PLAAT2: variants seen among roughly 807,000 people sequenced by gnomAD.
PLAAT2 encodes HRAS like suppressor 2.
A neutral mutation model predicts 12.8 loss-of-function variants in PLAAT2; 12 were observed. The ratio of observed to expected loss-of-function variants is 0.94; its 90% confidence interval spans 0.60 to 1.52. The LOEUF (loss-of-function observed/expected upper bound fraction) is 1.52, where lower values mean the gene tolerates loss of function less well. Among genes scored for constraint, PLAAT2 ranks in the 40% most tolerant of loss-of-function variants. The probability of loss-of-function intolerance (pLI) is 0.00; values close to 1 mark genes in which losing one functional copy is unlikely to be tolerated. For missense variants in PLAAT2, 166 were observed against 208.1 expected, an observed-to-expected ratio of 0.80 and a Z score of 1.24; for synonymous variants, 79 against 86.8, an observed-to-expected ratio of 0.91 and a Z score of 0.50.
At chr11:63,558,080 C>T (rs1399888424) in intron 3 of PLAAT2, among the ~76,000 whole-genome samples, 1 of 152,068 alleles carries the variant, frequency 6.6e-6, no homozygotes, top group East Asian at 1.9e-4. Context: ...GCACGGTGAG[C>T]CTCAGTTTCC....
At chr11:63,553,500 AC>A (rs1230770236) in intron 3 of PLAAT2, among the ~76,000 whole-genome samples, 1 of 151,636 alleles carries the variant, frequency 6.6e-6, no homozygotes, top group East Asian at 1.9e-4. Context: ...AAAAAAAAAA[AC>A]AGCTGAGTCC....
Position 63,552,978 on chromosome 11 carries a change from G to T in PLAAT2, c.475C>A (p.Arg159=). The T allele has an allele frequency of 6.2e-7, 1 of 1,612,598 alleles. No individual in the cohort carries two copies. Residue 159 remains arginine, a synonymous_variant, in exon 4 of 4, where the codon CGG becomes AGG. Transcript: ENST00000255695. ...ATTTCTTGGATTTATTGCCTTTCCCGCTTGCTTCTGGCCAGCAGGATCCCC... is the reference window on the plus strand; with the variant it reads ...ATTTCTTGGATTTATTGCCTTTCCCTCTTGCTTCTGGCCAGCAGGATCCCC... ...LVGILLARSK[R]ERQ
chr11:63,553,758 G>A (rs1238502255), intron 3 of PLAAT2, among the ~76,000 whole-genome samples: 1 of 152,186 alleles, frequency 6.6e-6, no homozygotes, highest in Non-Finnish European at 1.5e-5. Context: ...GGGCCCTTGA[G>A]GCAGATATGA....
upstream of PLAAT2, among the ~76,000 whole-genome samples, chr11:63,563,730 A>AC (rs2017540249): frequency 6.6e-6 from 1 of 151,780 alleles, no homozygotes; most frequent in African/African-American, 2.4e-5. Flanking sequence ...AAAAAAAAAA[A>AC]AAAAAAACAG....
intron 3 of PLAAT2, 138 bp from the exon 4 acceptor site, chr11:63,553,203 G>T: frequency 1.7e-6 from 1 of 598,246 alleles, no homozygotes; most frequent in Non-Finnish European, 2.9e-6. Context: ...AATATTGGCT[G>T]GGAGAGGGGA....
upstream of PLAAT2, among the ~76,000 whole-genome samples, chr11:63,563,541 A>AC (rs1219013010): frequency 6.6e-6 from 1 of 151,038 alleles, no homozygotes; most frequent in Non-Finnish European, 1.5e-5. Context: ...ACACGGTGAA[A>AC]CCCCGTCTCT....
upstream of PLAAT2, chr11:63,563,406 C>T: frequency 6.4e-7 from 1 of 1,572,454 alleles, no homozygotes; most frequent in South Asian, 1.1e-5. Context: ...TTCCCTGTGA[C>T]CCAGCCCATA....
At chr11:63,553,186 G>A (rs2017433854) in intron 3 of PLAAT2, 121 bp from the exon 4 acceptor site, 2 of 629,552 alleles carry the variant, frequency 3.2e-6, no homozygotes, top group African/African-American at 1.8e-5. Context: ...GAATCACAGA[G>A]GGAACAAATA....
intron 1 of PLAAT2, 144 bp downstream of exon 1, chr11:63,563,172 T>A: frequency 1.1e-6 from 1 of 924,186 alleles, no homozygotes. Context: ...CCACAGTGTC[T>A]GAGAGAGCCA....
intron 3 of PLAAT2, among the ~76,000 whole-genome samples, chr11:63,556,811 G>C (rs1446645986): frequency 1.3e-5 from 2 of 152,188 alleles, no homozygotes; most frequent in Admixed American, 6.5e-5. Context: ...GAGGATTCAA[G>C]AATGCATTGC....
intron 3 of PLAAT2, 78 bp from the exon 4 acceptor site, chr11:63,553,143 G>C (rs188449511): frequency 4.7e-6 from 4 of 857,186 alleles, no homozygotes; most frequent in Non-Finnish European, 7.6e-6. Flanking sequence ...CTACAGCTCA[G>C]GAAAGACTCA....
intron 1 of PLAAT2, among the ~76,000 whole-genome samples, chr11:63,561,781 A>G (rs1407489422): frequency 1.3e-5 from 2 of 151,932 alleles, no homozygotes; most frequent in Admixed American, 6.6e-5. Context: ...GTTCCCCCCC[A>G]GAACCTCGAA....
chr11:63,562,911 T>TCC (rs1326089510), intron 1 of PLAAT2, among the ~76,000 whole-genome samples: 2 of 151,918 alleles, frequency 1.3e-5, no homozygotes, highest in Non-Finnish European at 2.9e-5. Flanking sequence ...CCCTGGACCC[T>TCC]CCCTCCCCAG....
At chr11:63,553,516 G>T (rs2017437481) in intron 3 of PLAAT2, among the ~76,000 whole-genome samples, 1 of 151,938 alleles carries the variant, frequency 6.6e-6, no homozygotes, top group African/African-American at 2.4e-5. Flanking sequence ...GAGTCCAGGT[G>T]GTGCACACCT....
intron 3 of PLAAT2, among the ~76,000 whole-genome samples, chr11:63,554,647 AAAAAGAACTCACGC>A (rs1321324768): frequency 3.3e-5 from 5 of 151,202 alleles, no homozygotes; most frequent in African/African-American, 9.8e-5. Flanking sequence ...AGAAAAAAAA[AAAAAGAACTCACGC>A]AAAGCCACAC....
intron 3 of PLAAT2, among the ~76,000 whole-genome samples, chr11:63,554,519 C>G (rs1469664724): frequency 6.6e-6 from 1 of 151,556 alleles, no homozygotes; most frequent in Non-Finnish European, 1.5e-5. Flanking sequence ...TCCCAGCTAC[C>G]TGGGAGGCTG....
upstream of PLAAT2, among the ~76,000 whole-genome samples, chr11:63,564,776 G>T (rs2017548670): frequency 6.6e-6 from 1 of 152,108 alleles, no homozygotes; most frequent in Non-Finnish European, 1.5e-5. Flanking sequence ...CTTTTTAGGG[G>T]CTGACCTCCA....
At chr11:63,563,534 C>T (rs1565241553), upstream of PLAAT2, among the ~76,000 whole-genome samples, 1 of 151,772 alleles carries the variant, frequency 6.6e-6, no homozygotes, top group Non-Finnish European at 1.5e-5. Context: ...CTGACTAACA[C>T]GGTGAAACCC....
intron 2 of PLAAT2, among the ~76,000 whole-genome samples, chr11:63,559,736 T>C (rs970790827): frequency 2.0e-5 from 3 of 152,094 alleles, no homozygotes; most frequent in Non-Finnish European, 4.4e-5. Flanking sequence ...TTATACTATG[T>C]GCTCAGTTGT....
Sources: gnomAD v4.1 joint callset for allele counts (sites outside exome capture counted in the v4.1 genomes callset) on GRCh38, gnomAD v4.1.1 for gene constraint, MANE v1.5 for transcripts, NCBI Gene and HGNC (gene_info 2026-07-23, HGNC 2026-07-21) for gene names.